The following CLUAP1 variants were observed in gnomAD, a reference collection of about 807,000 sequenced individuals.
The protein encoded by CLUAP1 is clusterin-associated protein 1.
A neutral mutation model predicts 55.0 loss-of-function variants in CLUAP1; 50 were observed. That is an observed-to-expected ratio of 0.91 (90% CI 0.72 to 1.15). CLUAP1 has a LOEUF of 1.15. CLUAP1 is among the 50% of genes most tolerant of loss of function. The pLI is 0.00. For synonymous variants in CLUAP1, 195 were observed against 175.4 expected, an observed-to-expected ratio of 1.11 and a Z score of -0.88; for missense variants, 530 against 507.6, an observed-to-expected ratio of 1.04 and a Z score of -0.42.
chr16:3,526,618 A>T (rs1596400441), intron 9 of CLUAP1, 134 bp downstream of exon 9: 1 of 332,268 alleles, frequency 3.0e-6, no homozygotes, highest in East Asian at 6.0e-5. Context: ...TTTTTACTGT[A>T]GTAAGAACAC....
At chr16:3,496,357 GT>G, upstream of CLUAP1, 2 of 1,145,864 alleles carry the variant, frequency 1.7e-6, no homozygotes, top group South Asian at 1.2e-5. Flanking sequence ...TGAAGAGGTT[GT>G]TTATGAGTCG....
At position 3,536,282 on chromosome 16, in the gene CLUAP1, A is replaced by G. The variant is rs1415827579; in HGVS notation, c.*11A>G. On this transcript the variant is annotated 3_prime_UTR_variant, in exon 12 of 12. Coordinates refer to ENST00000576634, the MANE Select transcript of CLUAP1 (RefSeq NM_015041.3). ...GACAATGACTTCTGACCCTTTTGCC[A>G]AGGGACCCTGGCAGATTAAAACCCT... The G allele has an allele frequency of 1.2e-6, 2 of 1,613,328 alleles. No homozygotes were observed. Among genetic ancestry groups the G allele is most frequent in the African/African-American group, 2.7e-5 (2 of 74,878 alleles).
rs139680829 is a variant in CLUAP1, at chr16:3,515,099, A to C, written c.496-409A>C. Among the ~76,000 whole-genome samples the C allele has an allele frequency of 2.0e-3, 308 of 151,996 alleles. 4 individuals are homozygous for C. Among genetic ancestry groups the C allele is most frequent in the African/African-American group, 6.7e-3 (277 of 41,430 alleles). On this transcript the variant is annotated intron_variant, in intron 5 of 11. Transcript: ENST00000576634. Reference sequence around the variant, plus strand: ...AAGCAAATTGGGGCTGGGCATAGTGACTCATGCCTGTGATCCTAGCACTGT... The same window carrying C: ...AAGCAAATTGGGGCTGGGCATAGTGCCTCATGCCTGTGATCCTAGCACTGT...
rs556867738 is a variant in CLUAP1, at chr16:3,516,204, C to G, written c.579+613C>G. ...TGAATCACGACAGGGCATATCAAGCCTCGTCTCTGATGCACAATTGATAAT... is the reference window on the plus strand; with the variant it reads ...TGAATCACGACAGGGCATATCAAGCGTCGTCTCTGATGCACAATTGATAAT... On this transcript the variant is annotated intron_variant, in intron 6 of 11. Coordinates refer to ENST00000576634, the MANE Select transcript of CLUAP1 (RefSeq NM_015041.3). Among the ~76,000 whole-genome samples the G allele has an allele frequency of 5.5e-4, 84 of 152,268 alleles. 1 individual carries two copies. Among genetic ancestry groups the G allele is most frequent in the African/African-American group, 1.8e-3 (76 of 41,538 alleles).
At chr16:3,511,539 C>T (rs1190579039) in intron 4 of CLUAP1, among the ~76,000 whole-genome samples, 2 of 152,166 alleles carry the variant, frequency 1.3e-5, no homozygotes, top group South Asian at 2.1e-4. Context: ...CAGGGGAGGA[C>T]GAAACACAGG....
intron 10 of CLUAP1, among the ~76,000 whole-genome samples, chr16:3,532,027 C>CG (rs1398031853): frequency 4.0e-5 from 6 of 151,854 alleles, no homozygotes; most frequent in Non-Finnish European, 8.8e-5. Flanking sequence ...TTAGTAGAGA[C>CG]GGGGTTTCAC....
At chr16:3,532,886 G>C (rs1399523479) in intron 11 of CLUAP1, 45 bp downstream of exon 11, 2 of 1,604,084 alleles carry the variant, frequency 1.2e-6, no homozygotes, top group Non-Finnish European at 1.7e-6. Flanking sequence ...CTCTGGGTTT[G>C]GCTGTCCCCA....
rs1007630146 is a variant in CLUAP1, at chr16:3,501,166, A to G, written c.22+77A>G. On this transcript the variant is annotated intron_variant, in intron 1 of 11. Transcript: ENST00000576634. Reference sequence around the variant, plus strand: ...CTCCCGCCCGCCGGGTCCCCTGTGTAGGCGATCCCTGAGGCTTGCGCTGCC... The same window carrying G: ...CTCCCGCCCGCCGGGTCCCCTGTGTGGGCGATCCCTGAGGCTTGCGCTGCC... The G allele has an allele frequency of 4.2e-6, 6 of 1,433,426 alleles. No homozygotes were observed. The Admixed American group carries it at 9.8e-5, about 23-fold the overall frequency. The allele number at this position is 1,433,426 out of a possible 1,614,324, so 88.8% of individuals were successfully genotyped here.
chr16:3,498,524 C>A (rs917083551), upstream of CLUAP1, among the ~76,000 whole-genome samples: 4 of 152,008 alleles, frequency 2.6e-5, no homozygotes. Context: ...AAATCAGAAA[C>A]ACGGCTGGGC....
intron 5 of CLUAP1, 122 bp from the exon 6 acceptor site, chr16:3,515,386 C>A (rs1180847941): frequency 1.5e-6 from 1 of 653,440 alleles, no homozygotes; most frequent in South Asian, 1.9e-5. Context: ...GTTTTTGCAT[C>A]AGAGATCCAC....
intron 4 of CLUAP1, among the ~76,000 whole-genome samples, chr16:3,511,470 G>A (rs1210147698): frequency 6.6e-6 from 1 of 152,314 alleles, no homozygotes; most frequent in East Asian, 1.9e-4. Flanking sequence ...CTTAGTGGGT[G>A]CCACCCGATT....
At chr16:3,534,365 C>T (rs1394778938) in intron 11 of CLUAP1, 1 of 153,090 alleles carries the variant, frequency 6.5e-6, no homozygotes, top group African/African-American at 2.4e-5. Context: ...GTGGAATGCA[C>T]TCCTCGCATC....
In CLUAP1 at chr16:3,538,406, C is replaced by A. The variant is rs969761741; in HGVS notation, c.*2135C>A. On this transcript the variant is annotated 3_prime_UTR_variant, in exon 12 of 12. Coordinates refer to ENST00000576634, the MANE Select transcript of CLUAP1 (RefSeq NM_015041.3). Reference sequence around the variant, plus strand: ...AATGATCCACTGACAGGGAAGCCAGCGTGTTGGAGCCATGCCAGCCACCTC... The same window carrying A: ...AATGATCCACTGACAGGGAAGCCAGAGTGTTGGAGCCATGCCAGCCACCTC... 2.0e-5 allele frequency: 3 copies of A among 151,982 alleles called. No homozygotes were observed. Among genetic ancestry groups the A allele is most frequent in the Non-Finnish European group, 1.5e-5 (1 of 68,016 alleles). 9.4% of individuals were successfully genotyped at this position (151,982 alleles called of 1,614,324 possible).
upstream of CLUAP1, among the ~76,000 whole-genome samples, chr16:3,499,372 A>G (rs1050300944): frequency 6.6e-6 from 1 of 152,260 alleles, no homozygotes; most frequent in African/African-American, 2.4e-5. Context: ...GTTGATCAAC[A>G]TCCTTTCAAG....
upstream of CLUAP1, among the ~76,000 whole-genome samples, chr16:3,496,028 T>C (rs896808140): frequency 4.6e-5 from 7 of 151,864 alleles, 1 homozygote; most frequent in Admixed American, 2.0e-4. Context: ...GTAGTCCCAG[T>C]TACTCAGGAG....
At chr16:3,528,958 C>G (rs577648448) in intron 9 of CLUAP1, among the ~76,000 whole-genome samples, 1 of 152,170 alleles carries the variant, frequency 6.6e-6, no homozygotes, top group South Asian at 2.1e-4. Flanking sequence ...CTGTTTTGTG[C>G]TGCTGTAACA....
At chr16:3,504,167 C>G (rs2037459942) in intron 1 of CLUAP1, among the ~76,000 whole-genome samples, 1 of 152,140 alleles carries the variant, frequency 6.6e-6, no homozygotes, top group Non-Finnish European at 1.5e-5. Context: ...TTCAACCACT[C>G]TATTTAAGAT....
intron 3 of CLUAP1, among the ~76,000 whole-genome samples, chr16:3,506,981 G>A (rs1270917281): frequency 1.3e-5 from 2 of 152,006 alleles, no homozygotes; most frequent in Non-Finnish European, 1.5e-5. Context: ...CGGATCACGA[G>A]GTCAGGAGAT....
intron 6 of CLUAP1, among the ~76,000 whole-genome samples, chr16:3,518,136 A>C (rs953407289): frequency 6.6e-6 from 1 of 152,164 alleles, no homozygotes; most frequent in Non-Finnish European, 1.5e-5. Flanking sequence ...TCAGCAACTT[A>C]CTGTCACCTA....
Sources: gnomAD v4.1 joint callset for allele counts (sites outside exome capture counted in the v4.1 genomes callset) on GRCh38, gnomAD v4.1.1 for gene constraint, MANE v1.5 for transcripts, NCBI Gene and HGNC (gene_info 2026-07-23, HGNC 2026-07-21) for gene names.